The following CNTN5 variants were observed in gnomAD, a reference collection of about 807,000 sequenced individuals.
CNTN5 encodes the protein contactin 5.
Under a neutral mutation model 129.1 loss-of-function variants are expected in CNTN5, and 77 were observed. That is an observed-to-expected ratio of 0.60 (90% CI 0.50 to 0.72). CNTN5 has a LOEUF of 0.72. CNTN5 is among the 30% of genes least tolerant of loss of function. The probability of loss-of-function intolerance (pLI) is 0.00; values close to 1 mark genes in which losing one functional copy is unlikely to be tolerated. For missense variants in CNTN5, 1,478 were observed against 1,328.8 expected, an observed-to-expected ratio of 1.11 and a Z score of -1.75; for synonymous variants, 509 against 465.6, an observed-to-expected ratio of 1.09 and a Z score of -1.20.
At chr11:99,680,990 T>A (rs1367243930) in intron 3 of CNTN5, among the ~76,000 whole-genome samples, 1 of 151,936 alleles carries the variant, frequency 6.6e-6, no homozygotes, top group Non-Finnish European at 1.5e-5. Context: ...ATTTCAATCA[T>A]TATGAGTGAC....
intron 3 of CNTN5, among the ~76,000 whole-genome samples, chr11:99,779,378 C>A (rs542497380): frequency 2.0e-5 from 3 of 152,106 alleles, no homozygotes. Context: ...ATTTGACTCT[C>A]TTGTGAATAC....
Position 99,600,173 on chromosome 11 carries a change from A to G in CNTN5, c.55+43904A>G, listed in dbSNP as rs185590455. 6.4e-4 allele frequency among the ~76,000 whole-genome samples: 98 copies of G among 152,262 alleles called. No individual in the cohort carries two copies. The South Asian group carries it at 9.5e-3, about 15-fold the overall frequency. On this transcript the variant is annotated intron_variant, in intron 3 of 24. Transcript: ENST00000524871. ...GACACCCTGAGTACCCTGATTTTTTAATCACTATGCATTTTATACCTGTAA... is the reference window on the plus strand; with the variant it reads ...GACACCCTGAGTACCCTGATTTTTTGATCACTATGCATTTTATACCTGTAA...
chr11:99,102,587 A>C (rs1489684803), intron 1 of CNTN5, among the ~76,000 whole-genome samples: 1 of 152,132 alleles, frequency 6.6e-6, no homozygotes, highest in East Asian at 1.9e-4. Context: ...GCAAAATGCC[A>C]CCAATCTCCT....
At chr11:99,980,456 G>A (rs555725249) in intron 8 of CNTN5, among the ~76,000 whole-genome samples, 116 of 152,292 alleles carry the variant, frequency 7.6e-4, no homozygotes, top group Middle Eastern at 3.4e-3. Context: ...TGTAACCGGT[G>A]TATTAGCAAT....
intron 15 of CNTN5, among the ~76,000 whole-genome samples, chr11:100,200,884 GTA>G (rs1948761959): frequency 1.3e-5 from 2 of 151,892 alleles, no homozygotes; most frequent in South Asian, 2.1e-4. Context: ...ATCTAGGACT[GTA>G]TATGTTTTCT....
intron 4 of CNTN5, among the ~76,000 whole-genome samples, chr11:99,842,662 GGTTT>G (rs1448145511): frequency 6.6e-6 from 1 of 151,556 alleles, no homozygotes; most frequent in Non-Finnish European, 1.5e-5. Context: ...GATCAGAAAG[GGTTT>G]TTTTTCCCAC....
At chr11:99,483,152 G>A (rs1248785536) in intron 2 of CNTN5, among the ~76,000 whole-genome samples, 2 of 120,952 alleles carry the variant, frequency 1.7e-5, no homozygotes, top group African/African-American at 3.2e-5. Flanking sequence ...CTCCAGCCTG[G>A]CAACAGAGTG....
At chr11:99,524,794 T>A (rs1947422905) in intron 2 of CNTN5, among the ~76,000 whole-genome samples, 1 of 150,084 alleles carries the variant, frequency 6.7e-6, no homozygotes, top group Admixed American at 6.6e-5. Flanking sequence ...CAGAGCAAGA[T>A]TCCATCTCAA....
At chr11:100,160,863 C>T (rs1041336363) in intron 13 of CNTN5, among the ~76,000 whole-genome samples, 1 of 151,810 alleles carries the variant, frequency 6.6e-6, no homozygotes, top group African/African-American at 2.4e-5. Context: ...GTTTGATCTC[C>T]CTAATATGTA....
chr11:99,974,197 T>C (rs529558504), intron 8 of CNTN5, among the ~76,000 whole-genome samples: 1 of 152,220 alleles, frequency 6.6e-6, no homozygotes, highest in Non-Finnish European at 1.5e-5. Flanking sequence ...TGAGCTTATC[T>C]TTTTTTTCTA....
At chr11:100,150,622 C>T (rs1441170059) in intron 13 of CNTN5, among the ~76,000 whole-genome samples, 2 of 151,488 alleles carry the variant, frequency 1.3e-5, no homozygotes, top group Admixed American at 6.6e-5. Flanking sequence ...CAAATTTTTA[C>T]GGTCAGTCCT....
intron 3 of CNTN5, among the ~76,000 whole-genome samples, chr11:99,668,598 G>C (rs745817134): frequency 4.6e-5 from 7 of 152,078 alleles, no homozygotes; most frequent in Non-Finnish European, 1.5e-5. Flanking sequence ...ACTAGTTATC[G>C]CTACCACATT....
At chr11:100,281,952 G>A (rs1312372894) in intron 18 of CNTN5, among the ~76,000 whole-genome samples, 2 of 144,210 alleles carry the variant, frequency 1.4e-5, no homozygotes, top group African/African-American at 5.1e-5. Flanking sequence ...CAATCTCTTT[G>A]TTAAATTTGT....
chr11:99,418,692 G>C (rs1591651191), intron 2 of CNTN5, among the ~76,000 whole-genome samples: 1 of 152,142 alleles, frequency 6.6e-6, no homozygotes, highest in East Asian at 1.9e-4. Context: ...TCTTCCCATG[G>C]CTCTAATGTA....
chr11:100,234,677 T>C (rs1012088072), intron 16 of CNTN5, among the ~76,000 whole-genome samples: 1 of 150,158 alleles, frequency 6.7e-6, no homozygotes, highest in East Asian at 2.0e-4. Flanking sequence ...AGGGGAGGGA[T>C]AGCATTAGGA....
intron 3 of CNTN5, among the ~76,000 whole-genome samples, chr11:99,674,889 TC>T (rs1200222131): frequency 6.6e-6 from 1 of 152,182 alleles, no homozygotes; most frequent in African/African-American, 2.4e-5. Context: ...TTGCCCTTGC[TC>T]TGAGCTTTCT....
chr11:99,035,850 A>T (rs572930499), intron 1 of CNTN5, among the ~76,000 whole-genome samples: 27 of 148,346 alleles, frequency 1.8e-4, no homozygotes, highest in African/African-American at 6.8e-4. Context: ...TAGTTGATGC[A>T]GTTTCTTCCT....
chr11:100,066,470 G>T (rs535069838), intron 10 of CNTN5, among the ~76,000 whole-genome samples: 79 of 152,204 alleles, frequency 5.2e-4, no homozygotes, highest in Non-Finnish European at 8.8e-4. Context: ...AATGACAAGA[G>T]ATAATAAGCA....
At chr11:100,160,245 ATGAATTCAACT>A (rs567081073) in intron 13 of CNTN5, among the ~76,000 whole-genome samples, 1 of 152,088 alleles carries the variant, frequency 6.6e-6, no homozygotes, top group African/African-American at 2.4e-5. Flanking sequence ...TGCAAAGAAC[ATGAATTCAACT>A]TTTTTATGGC....
Sources: gnomAD v4.1 joint callset for allele counts (sites outside exome capture counted in the v4.1 genomes callset) on GRCh38, gnomAD v4.1.1 for gene constraint, MANE v1.5 for transcripts, NCBI Gene and HGNC (gene_info 2026-07-23, HGNC 2026-07-21) for gene names.